VAT1L: variants seen among roughly 807,000 people sequenced by gnomAD.
VAT1L encodes the protein vesicle amine transport 1 like.
VAT1L carries 34 observed loss-of-function variants against 44.1 expected under a neutral mutation model. That is an observed-to-expected ratio of 0.77 (90% CI 0.59 to 1.03). The LOEUF is 1.03. VAT1L is among the 50% of genes least tolerant of loss of function. VAT1L has a pLI of 0.00. For missense variants in VAT1L, 615 were observed against 538.8 expected (o/e 1.14, Z -1.40); for synonymous variants, 253 against 202.2 (o/e 1.25, Z -2.13).
chr16:77,853,753 A>G lies in VAT1L; in HGVS notation c.580-8995A>G, dbSNP rs534504776. The stretch of plus-strand genomic sequence containing the variant: ...CTGCTGGCTCTGGCACCACACACTG[A>G]GAAGCACGGATCCATACAATGAATA... On this transcript the variant is annotated intron_variant, in intron 3 of 8. Transcript: ENST00000302536. 2.0e-5 allele frequency among the ~76,000 whole-genome samples: 3 copies of G among 152,244 alleles called. No homozygotes were observed. In the East Asian group the frequency reaches 5.8e-4, roughly 29 times the overall value.
intron 8 of VAT1L, among the ~76,000 whole-genome samples, chr16:77,975,759 G>A (rs1365441869): frequency 2.0e-5 from 3 of 152,202 alleles, no homozygotes; most frequent in Non-Finnish European, 4.4e-5. Context: ...CCTATGATGT[G>A]TCATGAGGTC....
intron 7 of VAT1L, among the ~76,000 whole-genome samples, chr16:77,954,159 A>G (rs953466615): frequency 6.6e-6 from 1 of 152,218 alleles, no homozygotes; most frequent in Non-Finnish European, 1.5e-5. Context: ...AGGTTTCTTC[A>G]TGCACTGAGC....
At position 77,979,054 on chromosome 16, in the gene VAT1L, A is replaced by C. The variant is rs1185858373; in HGVS notation, c.*1359A>C. ...ACATCAGAGGGATTTTACATTGCCC[A>C]GTTTCTCCACCAACAAGCCTTAGGG... is the stretch of plus-strand genomic sequence containing the variant. On this transcript the variant is annotated 3_prime_UTR_variant, in exon 9 of 9. Transcript: ENST00000302536. 6.6e-6 allele frequency: 1 copy of C among 152,402 alleles called. No homozygotes were observed. Among genetic ancestry groups the C allele is most frequent in the Non-Finnish European group, 1.5e-5 (1 of 68,040 alleles). 9.4% of individuals were successfully genotyped at this position (152,402 alleles called of 1,614,324 possible). A position where few individuals can be genotyped will look rare whatever the true frequency, so the allele number is the denominator to read the frequency against.
At chr16:77,871,430 A>G (rs2017031653) in intron 4 of VAT1L, among the ~76,000 whole-genome samples, 1 of 151,656 alleles carries the variant, frequency 6.6e-6, no homozygotes, top group African/African-American at 2.4e-5. Context: ...CCAAGAAAGC[A>G]CCCCCCAGCT....
At chr16:77,932,037 A>G (rs184606020) in intron 7 of VAT1L, among the ~76,000 whole-genome samples, 6 of 151,722 alleles carry the variant, frequency 4.0e-5, no homozygotes, top group East Asian at 1.9e-4. Flanking sequence ...GTTCATGGGA[A>G]TGTTTGGATT....
intron 7 of VAT1L, among the ~76,000 whole-genome samples, chr16:77,917,322 G>T (rs953814460): frequency 3.3e-5 from 5 of 152,174 alleles, no homozygotes; most frequent in Non-Finnish European, 5.9e-5. Context: ...TAGCCATTAT[G>T]TGGAAAGGCA....
intron 1 of VAT1L, among the ~76,000 whole-genome samples, chr16:77,794,789 T>A (rs919443192): frequency 1.3e-5 from 2 of 152,190 alleles, no homozygotes; most frequent in Admixed American, 1.3e-4. Context: ...GAGGAAAGGA[T>A]GACTCCATGC....
chr16:77,948,087 A>G (rs2017992593), intron 7 of VAT1L, among the ~76,000 whole-genome samples: 1 of 152,158 alleles, frequency 6.6e-6, no homozygotes, highest in Admixed American at 6.5e-5. Context: ...CCCAATGGAA[A>G]AGTAGTTCTT....
chr16:77,816,817 G>A (rs1184037127), intron 1 of VAT1L, 104 bp from the exon 2 acceptor site: 1 of 1,371,688 alleles, frequency 7.3e-7, no homozygotes, highest in Non-Finnish European at 9.7e-7. Flanking sequence ...GTGAAGAAGG[G>A]AGGGAGGAAA....
chr16:77,795,892 T>G (rs1267693227), intron 1 of VAT1L, among the ~76,000 whole-genome samples: 1 of 148,538 alleles, frequency 6.7e-6, no homozygotes, highest in African/African-American at 2.5e-5. Context: ...GTGGCGCAAT[T>G]TCGGCTCACT....
At chr16:77,856,422 T>A (rs2016859515) in intron 3 of VAT1L, among the ~76,000 whole-genome samples, 1 of 152,180 alleles carries the variant, frequency 6.6e-6, no homozygotes, top group South Asian at 2.1e-4. Flanking sequence ...GAATTTCAAC[T>A]GGGCCCCATC....
chr16:77,969,483 T>A (rs1172072626), intron 7 of VAT1L, among the ~76,000 whole-genome samples: 3 of 152,046 alleles, frequency 2.0e-5, no homozygotes, highest in African/African-American at 7.2e-5. Context: ...CCTCATTGAC[T>A]GTCGGCTGGG....
chr16:77,833,664 C>T (rs1597057325), intron 3 of VAT1L, among the ~76,000 whole-genome samples: 1 of 151,946 alleles, frequency 6.6e-6, no homozygotes, highest in Admixed American at 6.6e-5. Flanking sequence ...GGCAGGAGAA[C>T]TGCTTGAACC....
At chr16:77,828,294 A>T (rs1300921870) in intron 3 of VAT1L, among the ~76,000 whole-genome samples, 1 of 152,238 alleles carries the variant, frequency 6.6e-6, no homozygotes, top group African/African-American at 2.4e-5. Context: ...AGGTATGACT[A>T]AAGTAAGGAC....
At chr16:77,977,538 C>T in intron 8 of VAT1L, 59 bp from the exon 9 acceptor site, 1 of 1,554,858 alleles carries the variant, frequency 6.4e-7, no homozygotes, top group Non-Finnish European at 8.8e-7. Context: ...CTGTCAGATG[C>T]TCAGAGATGA....
At chr16:77,844,482 C>A (rs2016738709) in intron 3 of VAT1L, among the ~76,000 whole-genome samples, 1 of 152,096 alleles carries the variant, frequency 6.6e-6, no homozygotes, top group Non-Finnish European at 1.5e-5. Context: ...TATCTCAGCT[C>A]CCTGCAACCT....
chr16:77,893,928 C>A (rs1172678000), intron 7 of VAT1L, among the ~76,000 whole-genome samples: 1 of 152,122 alleles, frequency 6.6e-6, no homozygotes, highest in African/African-American at 2.4e-5. Context: ...TGCCAAGTAC[C>A]TTGCATTTAT....
At chr16:77,803,613 G>A (rs1284786676) in intron 1 of VAT1L, among the ~76,000 whole-genome samples, 2 of 151,800 alleles carry the variant, frequency 1.3e-5, no homozygotes, top group African/African-American at 2.4e-5. Flanking sequence ...TAGAGACGGG[G>A]TTTCACTGTG....
intron 7 of VAT1L, chr16:77,892,547 G>A (rs2017279009): frequency 3.4e-6 from 2 of 590,658 alleles, no homozygotes; most frequent in East Asian, 8.9e-5. Context: ...AAGCCCTGGA[G>A]AGGAAGGATT....
Sources: gnomAD v4.1 joint callset for allele counts (sites outside exome capture counted in the v4.1 genomes callset) on GRCh38, gnomAD v4.1.1 for gene constraint, MANE v1.5 for transcripts, NCBI Gene and HGNC (gene_info 2026-07-23, HGNC 2026-07-21) for gene names.